Variants in BBS9 observed in about 807,000 individuals in gnomAD.
The protein encoded by BBS9 is protein PTHB1.
BBS9 carries 89 observed loss-of-function variants against 117.7 expected under a neutral mutation model. The observed-to-expected ratio is 0.76, with a 90% CI of 0.64 to 0.90. The LOEUF is 0.90. Ranked by LOEUF, BBS9 falls within the 40% of genes least tolerant of loss-of-function variation. BBS9 has a pLI of 0.00. For synonymous variants in BBS9, 379 were observed against 370.9 expected (o/e 1.02, Z -0.25); for missense variants, 982 against 1,042.2 (o/e 0.94, Z 0.80).
chr7:33,602,811 C>T (rs1864000574), intron 21 of BBS9, among the ~76,000 whole-genome samples: 1 of 152,088 alleles, frequency 6.6e-6, no homozygotes, highest in Non-Finnish European at 1.5e-5. Flanking sequence ...GGTGTGGAGT[C>T]TGAGGAGGTG....
intron 4 of BBS9, among the ~76,000 whole-genome samples, chr7:33,172,434 C>T (rs1796734080): frequency 6.6e-6 from 1 of 151,828 alleles, no homozygotes; most frequent in Non-Finnish European, 1.5e-5. Context: ...TAGACCTCGT[C>T]ATGTCCACCT....
chr7:33,398,144 G>A (rs1828315913), intron 19 of BBS9, among the ~76,000 whole-genome samples: 1 of 152,048 alleles, frequency 6.6e-6, no homozygotes, highest in Admixed American at 6.6e-5. Context: ...GCCACATATA[G>A]CTAATTCACA....
At chr7:33,145,566 CT>C (rs1233086468) in intron 1 of BBS9, among the ~76,000 whole-genome samples, 1 of 152,140 alleles carries the variant, frequency 6.6e-6, no homozygotes, top group African/African-American at 2.4e-5. Flanking sequence ...GAAGTGAATG[CT>C]TTTTGAGTAC....
rs1456644814 is a variant in BBS9 at position 33,167,652 on chromosome 7, G to A, written c.329-9826G>A. Among the ~76,000 whole-genome samples, 3 of 152,020 alleles carry A rather than the reference G, an allele frequency of 2.0e-5. 1 individual carries two copies. Among genetic ancestry groups the A allele is most frequent in the Admixed American group, 2.0e-4 (3 of 15,270 alleles). On this transcript the variant is annotated intron_variant, in intron 4 of 22. Coordinates refer to ENST00000242067, the MANE Select transcript of BBS9 (RefSeq NM_198428.3). Reference sequence around the variant, plus strand: ...CTGACCTTGTGATCCACCCTCCTCAGCCTCCCAAAGTGCTGGGAGTACAAG... The same window carrying A: ...CTGACCTTGTGATCCACCCTCCTCAACCTCCCAAAGTGCTGGGAGTACAAG...
At chr7:33,451,008 C>T (rs1837752874) in intron 19 of BBS9, among the ~76,000 whole-genome samples, 2 of 152,082 alleles carry the variant, frequency 1.3e-5, no homozygotes, top group South Asian at 4.2e-4. Flanking sequence ...CCTGCCTCAG[C>T]CTCCCGAGTA....
chr7:33,603,866 A>T (rs2129205659), intron 21 of BBS9, among the ~76,000 whole-genome samples: 1 of 152,304 alleles, frequency 6.6e-6, no homozygotes, highest in Non-Finnish European at 1.5e-5. Context: ...AGGCGTGGAT[A>T]GTAAGGTGTG....
chr7:33,219,684 G>C (rs779185369), intron 5 of BBS9, among the ~76,000 whole-genome samples: 1 of 152,120 alleles, frequency 6.6e-6, no homozygotes, highest in Non-Finnish European at 1.5e-5. Context: ...TTTGTGTCTA[G>C]CTCAGGGATT....
intron 9 of BBS9, among the ~76,000 whole-genome samples, chr7:33,309,384 C>T (rs935735544): frequency 2.0e-5 from 3 of 147,212 alleles, no homozygotes; most frequent in African/African-American, 4.9e-5. Flanking sequence ...GTGAATGAAC[C>T]CAAGATTTCC....
At chr7:33,197,606 A>T (rs1382496045) in intron 5 of BBS9, among the ~76,000 whole-genome samples, 1 of 151,992 alleles carries the variant, frequency 6.6e-6, no homozygotes, top group African/African-American at 2.4e-5. Context: ...ATATATTTTT[A>T]AAGTACACTG....
chr7:33,295,158 A>G (rs933876792), intron 9 of BBS9, among the ~76,000 whole-genome samples: 6 of 152,104 alleles, frequency 3.9e-5, no homozygotes, highest in Admixed American at 6.5e-5. Flanking sequence ...TACGTATTCT[A>G]CCTATTCATA....
chr7:33,277,048 A>G lies in BBS9; in HGVS notation c.1016+3092A>G, dbSNP rs879221604. The G allele has an allele frequency of 8.9e-5, 21 of 234,744 alleles. No individual in the cohort carries two copies. In the South Asian group the frequency reaches 1.0e-3, roughly 11 times the overall value. The allele number at this position is 234,744 out of a possible 1,614,324, so 14.5% of individuals were successfully genotyped here. On this transcript the variant is annotated intron_variant, in intron 9 of 22. Coordinates refer to ENST00000242067, the MANE Select transcript of BBS9 (RefSeq NM_198428.3). ...CAGCCCACCTGTGAAGATCTGTTCT[A>G]TGATGTAGTTGTGGTAGTTGGCCTT...
At chr7:33,344,489 A>C in intron 11 of BBS9, 92 bp from the exon 12 acceptor site, 2 of 1,124,014 alleles carry the variant, frequency 1.8e-6, no homozygotes, top group Non-Finnish European at 2.7e-6. Flanking sequence ...CTATTTTGAT[A>C]GTAGGAAATA....
intron 5 of BBS9, among the ~76,000 whole-genome samples, chr7:33,220,479 C>T (rs1237218056): frequency 1.3e-5 from 2 of 152,224 alleles, no homozygotes; most frequent in Non-Finnish European, 2.9e-5. Context: ...CTATTGTGGT[C>T]AGACTGTCTT....
intron 6 of BBS9, among the ~76,000 whole-genome samples, chr7:33,262,738 T>G (rs570413201): frequency 1.1e-3 from 171 of 152,292 alleles, no homozygotes; most frequent in African/African-American, 4.0e-3. Flanking sequence ...TTCATGTCTC[T>G]TTTACTGCTG....
intron 21 of BBS9, among the ~76,000 whole-genome samples, chr7:33,546,213 G>T (rs1032561759): frequency 6.6e-6 from 1 of 152,022 alleles, no homozygotes; most frequent in African/African-American, 2.4e-5. Context: ...GATTACAGGG[G>T]TGAGCCACTG....
At chr7:33,552,775 T>A (rs972017577) in intron 21 of BBS9, among the ~76,000 whole-genome samples, 8 of 152,160 alleles carry the variant, frequency 5.3e-5, no homozygotes, top group African/African-American at 1.9e-4. Context: ...GCCCTTCCCA[T>A]CCATTTATTT....
At position 33,273,728 on chromosome 7, in the gene BBS9, G is replaced by A. The variant is rs542287637; in HGVS notation, c.887-99G>A. 345 of 1,053,588 alleles carry A rather than the reference G, an allele frequency of 3.3e-4. 2 individuals are homozygous for A. The African/African-American group carries it at 4.7e-3, about 14-fold the overall frequency. 65.3% of individuals were successfully genotyped at this position (1,053,588 alleles called of 1,614,324 possible). On this transcript the variant is annotated intron_variant, in intron 8 of 22. Transcript: ENST00000242067. ...TAAAATCTTTATGTATTAAAATCCA[G>A]GTGTTAGAATTAGTTTGTGCTATCA...
intron 5 of BBS9, among the ~76,000 whole-genome samples, chr7:33,217,439 G>A (rs928837501): frequency 9.9e-5 from 15 of 152,012 alleles, no homozygotes; most frequent in Admixed American, 6.5e-4. Flanking sequence ...TTATATCTAC[G>A]AAGTGTTTTG....
chr7:33,324,038 A>G (rs1267535469), intron 9 of BBS9, among the ~76,000 whole-genome samples: 3 of 151,862 alleles, frequency 2.0e-5, no homozygotes, highest in African/African-American at 7.3e-5. Flanking sequence ...GAGTTTCACC[A>G]TGTTGGCCAG....
Sources: allele counts gnomAD v4.1 joint callset (sites outside exome capture counted in the v4.1 genomes callset), GRCh38; gene constraint gnomAD v4.1.1; transcripts MANE v1.5; gene names NCBI Gene and HGNC (gene_info 2026-07-23, HGNC 2026-07-21).